Variants in NNT observed in about 807,000 individuals in gnomAD.
The protein encoded by NNT is NAD(P) transhydrogenase, mitochondrial.
In NNT, 50 loss-of-function variants were observed where a neutral mutation model predicts 104.8. That is an observed-to-expected ratio of 0.48 (90% CI 0.38 to 0.60). The LOEUF (loss-of-function observed/expected upper bound fraction) is 0.60, where lower values mean the gene tolerates loss of function less well. Ranked by LOEUF, NNT falls within the 20% of genes least tolerant of loss-of-function variation. The pLI is 0.00. For missense variants in NNT, 1,131 were observed against 1,330.7 expected (o/e 0.85, Z 2.33); for synonymous variants, 461 against 490.4 (o/e 0.94, Z 0.79).
intron 1 of NNT, among the ~76,000 whole-genome samples, chr5:43,607,849 C>T (rs758512987): frequency 2.0e-4 from 30 of 152,308 alleles, no homozygotes; most frequent in South Asian, 1.2e-3. Flanking sequence ...CGTGAGGGTC[C>T]ACATGATACA....
At chr5:43,656,157 A>G in intron 15 of NNT, 84 bp downstream of exon 15, 1 of 1,212,472 alleles carries the variant, frequency 8.2e-7, no homozygotes, top group Non-Finnish European at 1.2e-6. Flanking sequence ...AAATACATTA[A>G]CAGGGCTGGG....
intron 7 of NNT, among the ~76,000 whole-genome samples, chr5:43,631,463 C>T (rs1471244613): frequency 6.6e-6 from 1 of 152,148 alleles, no homozygotes; most frequent in Non-Finnish European, 1.5e-5. Flanking sequence ...CTCTGAGAGG[C>T]AGCTGCGCAT....
upstream of NNT, chr5:43,603,112 G>C (rs1749011677): frequency 6.5e-6 from 1 of 152,708 alleles, no homozygotes; most frequent in Non-Finnish European, 1.5e-5. Context: ...GCTGGGGCGG[G>C]GAAGGGGCGC....
chr5:43,639,595 TA>T (rs1261946093), intron 7 of NNT, among the ~76,000 whole-genome samples: 1 of 152,162 alleles, frequency 6.6e-6, no homozygotes, highest in African/African-American at 2.4e-5. Context: ...AGAGCCTAAG[TA>T]AAATTTTTCT....
chr5:43,602,830 G>C (rs1378612634), upstream of NNT: 1 of 152,378 alleles, frequency 6.6e-6, no homozygotes, highest in Non-Finnish European at 1.5e-5. Flanking sequence ...TTTGTAACTG[G>C]TTCTTCAAGG....
chr5:43,643,424 C>T (rs928460399), intron 7 of NNT, among the ~76,000 whole-genome samples: 2 of 152,126 alleles, frequency 1.3e-5, no homozygotes, highest in African/African-American at 4.8e-5. Context: ...CTTAAAAAGA[C>T]ATTGTGAATT....
In NNT at chr5:43,612,879, A is replaced by G. The variant is rs533542231; in HGVS notation, c.152-29A>G. 1.0e-3 allele frequency: 1,435 copies of G among 1,415,472 alleles called. 1 individual carries two copies. The highest frequency in any genetic ancestry group is 1.3e-3 in the Non-Finnish European group (1,342 of 1,031,840). The allele number at this position is 1,415,472 out of a possible 1,614,324, so 87.7% of individuals were successfully genotyped here. On this transcript the variant is annotated intron_variant, in intron 2 of 21. Coordinates refer to ENST00000344920, the MANE Select transcript of NNT (RefSeq NM_182977.3). ...TTTTGTTTGTTTTTTTACCAAATATATATTTTTTTTGCCTTTGCTTGTTTC... is the reference window on the plus strand; with the variant it reads ...TTTTGTTTGTTTTTTTACCAAATATGTATTTTTTTTGCCTTTGCTTGTTTC...
At chr5:43,668,220 G>C (rs1740824506) in intron 17 of NNT, among the ~76,000 whole-genome samples, 1 of 146,118 alleles carries the variant, frequency 6.8e-6, no homozygotes, top group Non-Finnish European at 1.5e-5. Context: ...CCATTCTGTA[G>C]GTTGCCTATT....
intron 19 of NNT, among the ~76,000 whole-genome samples, chr5:43,698,135 C>G (rs949874918): frequency 6.6e-6 from 1 of 151,756 alleles, no homozygotes; most frequent in African/African-American, 2.4e-5. Flanking sequence ...ACTTATTTAT[C>G]TGGCTTAATA....
chr5:43,627,309 G>A (rs1750424886), intron 6 of NNT, among the ~76,000 whole-genome samples: 1 of 152,180 alleles, frequency 6.6e-6, no homozygotes, highest in Admixed American at 6.5e-5. Flanking sequence ...GGTTGCTAGG[G>A]ATTTATTGGC....
intron 1 of NNT, among the ~76,000 whole-genome samples, chr5:43,604,688 AT>A (rs1269794926): frequency 6.6e-6 from 1 of 152,020 alleles, no homozygotes; most frequent in Non-Finnish European, 1.5e-5. Flanking sequence ...CTGTTATTTT[AT>A]TTTTTCAAGT....
At chr5:43,612,123 G>A (rs1749529531) in intron 2 of NNT, among the ~76,000 whole-genome samples, 1 of 152,042 alleles carries the variant, frequency 6.6e-6, no homozygotes, top group Admixed American at 6.6e-5. Context: ...TGTTACTGCT[G>A]ACCTCCCTTT....
intron 9 of NNT, 78 bp downstream of exon 9, chr5:43,644,880 T>C: frequency 8.2e-7 from 1 of 1,226,906 alleles, no homozygotes; most frequent in Non-Finnish European, 1.1e-6. Flanking sequence ...AAGAATTCTA[T>C]TTTGGAATTG....
At chr5:43,613,836 A>G (rs1448164771) in intron 3 of NNT, among the ~76,000 whole-genome samples, 4 of 152,294 alleles carry the variant, frequency 2.6e-5, no homozygotes, top group Admixed American at 1.3e-4. Context: ...TCATTTTTTC[A>G]GGAGATACAG....
At chr5:43,664,978 G>T (rs747416738) in intron 17 of NNT, among the ~76,000 whole-genome samples, 1 of 152,006 alleles carries the variant, frequency 6.6e-6, no homozygotes, top group Non-Finnish European at 1.5e-5. Flanking sequence ...TCAGAAGTGG[G>T]TACCCATTAA....
intron 13 of NNT, 22 bp from the exon 14 acceptor site, chr5:43,652,996 C>T (rs779099859): frequency 1.3e-6 from 2 of 1,583,064 alleles, no homozygotes; most frequent in East Asian, 2.2e-5. Flanking sequence ...AATAATCTCT[C>T]TCTCACTTTT....
At position 43,675,499 on chromosome 5, in the gene NNT, T is replaced by C. The variant is rs753217747; in HGVS notation, c.2635-12T>C. ...GTGTTAAACTCTCACAGCTGATAAT[T>C]TGGCTTTCTAGGCAATGAATCGCTC... On this transcript the variant is annotated splice_polypyrimidine_tract_variant and intron_variant, in intron 17 of 21. Coordinates refer to ENST00000344920, the MANE Select transcript of NNT (RefSeq NM_182977.3). 2.1e-5 allele frequency: 34 copies of C among 1,604,782 alleles called. No individual in the cohort carries two copies. Among genetic ancestry groups the C allele is most frequent in the African/African-American group, 2.7e-5 (2 of 74,590 alleles).
chr5:43,615,738 A>T, intron 3 of NNT, 110 bp from the exon 4 acceptor site: 2 of 835,016 alleles, frequency 2.4e-6, no homozygotes, highest in South Asian at 3.8e-5. Flanking sequence ...TGGAAGATTT[A>T]TTTCTGGAGT....
intron 14 of NNT, among the ~76,000 whole-genome samples, chr5:43,655,327 T>A (rs1327820991): frequency 6.6e-6 from 1 of 152,198 alleles, no homozygotes; most frequent in East Asian, 1.9e-4. Context: ...GAAAAACTGC[T>A]GTTTTGAAAG....
Sources: allele counts gnomAD v4.1 joint callset (sites outside exome capture counted in the v4.1 genomes callset), GRCh38; gene constraint gnomAD v4.1.1; transcripts MANE v1.5; gene names NCBI Gene and HGNC (gene_info 2026-07-23, HGNC 2026-07-21).